PDGFA: variants seen among roughly 807,000 people sequenced by gnomAD.
The protein encoded by PDGFA is platelet-derived growth factor subunit A.
In PDGFA, 9 loss-of-function variants were observed where a neutral mutation model predicts 25.6. The ratio of observed to expected loss-of-function variants is 0.35; its 90% CI spans 0.21 to 0.61. PDGFA has a LOEUF of 0.61. PDGFA is among the 20% of genes least tolerant of loss of function. The pLI, the probability that PDGFA is intolerant of heterozygous loss-of-function variation, is 0.75. For synonymous variants in PDGFA, 133 were observed against 111.8 expected (o/e 1.19, Z -1.20); for missense variants, 242 against 272.8 (o/e 0.89, Z 0.79).
exon 6 of PDGFA, chr7:497,952 A>AAC (rs1782142494): frequency 3.5e-5 from 4 of 114,678 alleles, no homozygotes; most frequent in Non-Finnish European, 7.3e-5. Context: ...AAAAAAAAAA[A>AAC]AAAAAACAAA....
intron 2 of PDGFA, chr7:512,839 C>G (rs973121189): frequency 2.5e-5 from 9 of 356,422 alleles, no homozygotes; most frequent in African/African-American, 4.3e-5. Flanking sequence ...CCGCCCAGCT[C>G]CGTGCACCTC....
At chr7:503,883 G>A (rs956366946) in intron 4 of PDGFA, among the ~76,000 whole-genome samples, 2 of 152,164 alleles carry the variant, frequency 1.3e-5, no homozygotes, top group Admixed American at 6.5e-5. Context: ...GTCACAAAGC[G>A]TGAGAGAAAG....
intron 2 of PDGFA, among the ~76,000 whole-genome samples, chr7:516,042 C>A (rs1452189711): frequency 1.8e-5 from 1 of 54,334 alleles, no homozygotes; most frequent in Non-Finnish European, 3.9e-5. Context: ...AGGAAGCAGC[C>A]CCCCCCCCCC....
intron 5 of PDGFA, among the ~76,000 whole-genome samples, chr7:498,893 T>C (rs558873251): frequency 3.0e-4 from 46 of 152,292 alleles, no homozygotes; most frequent in African/African-American, 9.6e-4. Flanking sequence ...CTTCCTTTCT[T>C]CCAGCCTAGG....
chr7:512,723 C>A, intron 2 of PDGFA: 1 of 1,306,486 alleles, frequency 7.7e-7, no homozygotes, highest in Non-Finnish European at 1.0e-6. Context: ...GGGCCCGTGA[C>A]GAAGCGCAGG....
At chr7:515,860 G>A (rs938416447) in intron 2 of PDGFA, among the ~76,000 whole-genome samples, 2 of 152,120 alleles carry the variant, frequency 1.3e-5, no homozygotes, top group African/African-American at 4.8e-5. Context: ...GCGATAATGG[G>A]TGGGGGTGGA....
intron 4 of PDGFA, among the ~76,000 whole-genome samples, chr7:510,471 G>A (rs978216114): frequency 6.7e-6 from 1 of 150,260 alleles, no homozygotes; most frequent in Non-Finnish European, 1.5e-5. Flanking sequence ...TGCTTGGTAG[G>A]GGCGGCCCCG....
In PDGFA at chr7:517,058, T is replaced by C. The variant is rs913843566; in HGVS notation, c.160+336A>G. 1.2e-4 allele frequency among the ~76,000 whole-genome samples: 18 copies of C among 150,488 alleles called. No individual in the cohort carries two copies. Among genetic ancestry groups the C allele is most frequent in the African/African-American group, 3.2e-4 (13 of 41,066 alleles). ...ACGGGCCAGGGCTCTGCGCCCAGGG[T>C]CTGGGCCGGATCCTGCCGCTCCCCC... On this transcript the variant is annotated intron_variant, in intron 2 of 5. Coordinates refer to ENST00000402802, the Ensembl canonical transcript of PDGFA. This position sits in a 1 kb window ranked among gnomAD's most constrained non-coding sequence, Gnocchi z 7.4.
At chr7:511,133 G>T in intron 3 of PDGFA, 137 bp from the exon 4 acceptor site, 1 of 691,324 alleles carries the variant, frequency 1.4e-6, no homozygotes, top group Non-Finnish European at 2.5e-6. Context: ...GGCAGCAGAG[G>T]CTGAGCTGGG....
chr7:512,424 T>C (rs1782898698), exon 3 of PDGFA: 2 of 1,613,588 alleles, frequency 1.2e-6, no homozygotes, highest in Admixed American at 1.7e-5. Context: ...CCCCGTGAGC[T>C]CTCAGGCTGG....
intron 2 of PDGFA, chr7:512,715 G>T (rs1782910437): frequency 1.5e-6 from 2 of 1,353,976 alleles, no homozygotes; most frequent in Admixed American, 2.6e-5. Context: ...ACATTCAGGG[G>T]CCCGTGACGA....
In PDGFA at chr7:500,292, C is replaced by T; in HGVS notation, c.580+824G>A. On this transcript the variant is annotated intron_variant, in intron 5 of 5. Transcript: ENST00000402802. This position sits in a 1 kb window ranked among gnomAD's most constrained non-coding sequence, Gnocchi z 5.0. ...CGGACGGGGAGCAAGGAGACCCAAGCCCAGCAGACACCATCAAGGCCAATC... is the reference window on the plus strand; with the variant it reads ...CGGACGGGGAGCAAGGAGACCCAAGTCCAGCAGACACCATCAAGGCCAATC... 1 of 924,770 alleles carries T rather than the reference C, an allele frequency of 1.1e-6. No individual in the cohort carries two copies. The allele number at this position is 924,770 out of a possible 1,614,324, so 57.3% of individuals were successfully genotyped here. A position where few individuals can be genotyped will look rare whatever the true frequency, so the allele number is the denominator to read the frequency against.
At chr7:514,980 G>T (rs1783026155) in intron 2 of PDGFA, among the ~76,000 whole-genome samples, 1 of 152,192 alleles carries the variant, frequency 6.6e-6, no homozygotes, top group Admixed American at 6.5e-5. Flanking sequence ...ACCCCAGACG[G>T]TGCCTGGCTC....
At chr7:510,728 G>A (rs1583151285) in intron 4 of PDGFA, 81 bp downstream of exon 4, 1 of 414,828 alleles carries the variant, frequency 2.4e-6, no homozygotes. Context: ...GGAGGGGAGA[G>A]GAGGGGAGGG....
chr7:519,645 G>A (rs1455830100), upstream of PDGFA, among the ~76,000 whole-genome samples: 1 of 145,488 alleles, frequency 6.9e-6, no homozygotes, highest in African/African-American at 2.5e-5. Flanking sequence ...TCCGCTCGCC[G>A]GGGCCGGGCA....
At chr7:504,544 A>G (rs1389682169) in intron 4 of PDGFA, among the ~76,000 whole-genome samples, 2 of 152,124 alleles carry the variant, frequency 1.3e-5, no homozygotes, top group Non-Finnish European at 2.9e-5. Context: ...CAGGAGGAAC[A>G]GCACCAGCCT....
chr7:500,310 G>A lies in PDGFA; in HGVS notation c.580+806C>T. Reference sequence around the variant, plus strand: ...ACCCAAGCCCAGCAGACACCATCAAGGCCAATCAGGGCCACATCCCCGCCG... The same window carrying A: ...ACCCAAGCCCAGCAGACACCATCAAAGCCAATCAGGGCCACATCCCCGCCG... On this transcript the variant is annotated intron_variant, in intron 5 of 5. Coordinates refer to ENST00000402802, the Ensembl canonical transcript of PDGFA. The surrounding 1 kb of genome is among the most constrained non-coding windows in gnomAD (Gnocchi z 5.0). 11 of 1,073,248 alleles carry A rather than the reference G, an allele frequency of 1.0e-5. No individual in the cohort carries two copies. The highest frequency in any genetic ancestry group is 1.5e-5 in the Non-Finnish European group (11 of 719,966). The allele number at this position is 1,073,248 out of a possible 1,614,324, so 66.5% of individuals were successfully genotyped here.
At chr7:501,394 G>A in intron 4 of PDGFA, 152 bp from the exon 5 acceptor site, 1 of 954,750 alleles carries the variant, frequency 1.0e-6, no homozygotes, top group African/African-American at 1.6e-5. Context: ...GGGGAGTGTA[G>A]CAGTACCAGG....
rs1172872043 is a variant in PDGFA at position 517,754 on chromosome 7, C to G, written c.64-264G>C. Among the ~76,000 whole-genome samples, 1 of 148,120 alleles carries G rather than the reference C, an allele frequency of 6.8e-6. No individual in the cohort carries two copies. The highest frequency in any genetic ancestry group is 1.5e-5 in the Non-Finnish European group (1 of 67,286). ...GCCCCCCCCCCTTTATATTTTCAGA[C>G]AAAAGCCCCCGCACTCCGGCCCCTC... On this transcript the variant is annotated intron_variant, in intron 1 of 5. Coordinates refer to ENST00000402802, the Ensembl canonical transcript of PDGFA. This position sits in a 1 kb window ranked among gnomAD's most constrained non-coding sequence, Gnocchi z 7.4.
Sources: gnomAD v4.1 joint callset for allele counts (sites outside exome capture counted in the v4.1 genomes callset) on GRCh38, gnomAD v4.1.1 for gene constraint, Gnocchi (gnomAD v3.1) non-coding constraint, MANE v1.5 for transcripts, NCBI Gene and HGNC (gene_info 2026-07-23, HGNC 2026-07-21) for gene names.